CAMK4: variants seen among roughly 807,000 people sequenced by gnomAD.
CAMK4 encodes the protein calcium/calmodulin-dependent protein kinase type IV.
Under a neutral mutation model 44.9 loss-of-function variants are expected in CAMK4, and 22 were observed. The observed-to-expected ratio is 0.49, with a 90% confidence interval of 0.35 to 0.70. The LOEUF is 0.70. Among genes scored for constraint, CAMK4 ranks in the 30% least tolerant of loss-of-function variants. The pLI is 0.01. For missense variants in CAMK4, 498 were observed against 586.8 expected (o/e 0.85, Z 1.56); for synonymous variants, 218 against 215.4 (o/e 1.01, Z -0.11).
intron 2 of CAMK4, among the ~76,000 whole-genome samples, chr5:111,368,452 T>G (rs1750879454): frequency 2.6e-5 from 4 of 152,232 alleles, no homozygotes; most frequent in African/African-American, 9.6e-5. Context: ...TTGGAAAGGT[T>G]GAAAGGAGAT....
chr5:111,264,206 T>C (rs1442868040), intron 1 of CAMK4, among the ~76,000 whole-genome samples: 2 of 152,184 alleles, frequency 1.3e-5, no homozygotes, highest in Non-Finnish European at 2.9e-5. Context: ...TGGTGGCAGG[T>C]GTTGCACAGG....
chr5:111,342,838 T>C (rs1749699458), intron 1 of CAMK4, among the ~76,000 whole-genome samples: 1 of 151,682 alleles, frequency 6.6e-6, no homozygotes, highest in Non-Finnish European at 1.5e-5. Context: ...AATATTAGAC[T>C]ACCAGACATG....
intron 5 of CAMK4, among the ~76,000 whole-genome samples, chr5:111,406,153 C>T (rs1216679323): frequency 1.4e-5 from 2 of 147,602 alleles, no homozygotes; most frequent in Non-Finnish European, 3.0e-5. Flanking sequence ...CCTCTGATTA[C>T]CTCTTTCTCT....
At chr5:111,412,726 G>C (rs1752673920) in intron 5 of CAMK4, among the ~76,000 whole-genome samples, 1 of 152,200 alleles carries the variant, frequency 6.6e-6, no homozygotes, top group Non-Finnish European at 1.5e-5. Flanking sequence ...AGCTAGAACA[G>C]AGACTTGGTG....
intron 5 of CAMK4, among the ~76,000 whole-genome samples, chr5:111,441,842 G>A (rs31328): frequency 0.84 from 127,056 of 152,160 alleles, 53,352 homozygotes; most frequent in African/African-American, 0.91. Context: ...GTATTTCTTT[G>A]TCAGCTCTAT....
chr5:111,436,113 C>G (rs553773291), intron 5 of CAMK4, among the ~76,000 whole-genome samples: 12 of 152,074 alleles, frequency 7.9e-5, no homozygotes, highest in African/African-American at 2.9e-4. Context: ...CTACTGAAAA[C>G]AAAGATAAGT....
At chr5:111,346,167 A>C (rs567194425) in intron 2 of CAMK4, among the ~76,000 whole-genome samples, 1 of 151,898 alleles carries the variant, frequency 6.6e-6, no homozygotes, top group African/African-American at 2.4e-5. Flanking sequence ...AAAGGAAATG[A>C]ATGAAGCCTA....
intron 2 of CAMK4, among the ~76,000 whole-genome samples, chr5:111,353,635 A>G (rs975074975): frequency 2.6e-5 from 4 of 152,166 alleles, no homozygotes; most frequent in Non-Finnish European, 5.9e-5. Flanking sequence ...ATAAGAACTG[A>G]TAAATCATTT....
chr5:111,476,400 C>T (rs1755244780), intron 8 of CAMK4, among the ~76,000 whole-genome samples: 1 of 151,936 alleles, frequency 6.6e-6, no homozygotes, highest in Admixed American at 6.6e-5. Flanking sequence ...GCTCCAGCCC[C>T]CCGAGTACCT....
chr5:111,381,822 G>C (rs57391173), intron 4 of CAMK4, among the ~76,000 whole-genome samples: 16,779 of 151,922 alleles, frequency 0.11, 1,548 homozygotes, highest in African/African-American at 0.24. Flanking sequence ...ATTCACATAC[G>C]GTTTTAAATT....
At chr5:111,275,898 A>G (rs1750740952) in intron 1 of CAMK4, among the ~76,000 whole-genome samples, 1 of 152,136 alleles carries the variant, frequency 6.6e-6, no homozygotes, top group Admixed American at 6.5e-5. Flanking sequence ...CCCCCAAAAT[A>G]GGTACAACTC....
chr5:111,401,607 A>T (rs1189017996), intron 5 of CAMK4, among the ~76,000 whole-genome samples: 1 of 152,218 alleles, frequency 6.6e-6, no homozygotes, highest in Non-Finnish European at 1.5e-5. Context: ...TGATTAAAAA[A>T]ATTAACCTGT....
intron 5 of CAMK4, among the ~76,000 whole-genome samples, chr5:111,424,313 CTT>C (rs1323436037): frequency 6.6e-6 from 1 of 151,946 alleles, no homozygotes. Context: ...TGTTTTGACT[CTT>C]GAACTCAGTT....
At chr5:111,328,171 T>G (rs1301906419) in intron 1 of CAMK4, among the ~76,000 whole-genome samples, 1 of 149,300 alleles carries the variant, frequency 6.7e-6, no homozygotes, top group East Asian at 2.0e-4. Context: ...TTAATCCATC[T>G]TGAATTAATT....
At chr5:111,364,285 G>A (rs1397055726) in intron 2 of CAMK4, among the ~76,000 whole-genome samples, 1 of 152,058 alleles carries the variant, frequency 6.6e-6, no homozygotes, top group African/African-American at 2.4e-5. Context: ...GCTGGGTAAA[G>A]ACATGAAGAT....
intron 2 of CAMK4, among the ~76,000 whole-genome samples, chr5:111,353,702 C>A (rs184827525): frequency 1.5e-3 from 232 of 151,186 alleles, no homozygotes; most frequent in African/African-American, 5.4e-3. Flanking sequence ...TTTCTATACA[C>A]TAACAACAAA....
intron 7 of CAMK4, among the ~76,000 whole-genome samples, chr5:111,459,616 T>C (rs1754562328): frequency 6.6e-6 from 1 of 151,944 alleles, no homozygotes; most frequent in Admixed American, 6.6e-5. Context: ...GTTGATAAAA[T>C]CGAATCTCAA....
At chr5:111,326,773 T>C (rs1438433643) in intron 1 of CAMK4, among the ~76,000 whole-genome samples, 1 of 151,432 alleles carries the variant, frequency 6.6e-6, no homozygotes, top group African/African-American at 2.4e-5. Context: ...AGGGAAGGAG[T>C]ACATTGGTAG....
intron 7 of CAMK4, among the ~76,000 whole-genome samples, chr5:111,459,353 T>C (rs1246457410): frequency 6.6e-6 from 1 of 152,168 alleles, no homozygotes; most frequent in African/African-American, 2.4e-5. Context: ...TCGGCAATAG[T>C]AAGGGCTATC....
Sources: gnomAD v4.1 joint callset for allele counts (sites outside exome capture counted in the v4.1 genomes callset) on GRCh38, gnomAD v4.1.1 for gene constraint, MANE v1.5 for transcripts, NCBI Gene and HGNC (gene_info 2026-07-23, HGNC 2026-07-21) for gene names.